MEI4: variants seen among roughly 807,000 people sequenced by gnomAD.
MEI4 encodes meiotic double-stranded break formation protein 4.
Under a neutral mutation model 31.4 loss-of-function variants are expected in MEI4, and 27 were observed. The ratio of observed to expected loss-of-function variants is 0.86; its 90% CI spans 0.63 to 1.19. The LOEUF is 1.19. MEI4 is among the 50% of genes most tolerant of loss of function. The pLI is 0.00. For missense variants in MEI4, 329 were observed against 398.9 expected, an observed-to-expected ratio of 0.82 and a Z score of 1.49; for synonymous variants, 122 against 145.4, an observed-to-expected ratio of 0.84 and a Z score of 1.16.
intron 3 of MEI4, among the ~76,000 whole-genome samples, chr6:77,824,957 A>G (rs542013488): frequency 7.2e-5 from 11 of 152,168 alleles, no homozygotes; most frequent in Admixed American, 2.6e-4. Flanking sequence ...CATATAACCA[A>G]TCTCTATCAC....
rs1769780137 is a variant in MEI4 at position 77,820,049 on chromosome 6, A to AT, written c.769-8875dup. Among the ~76,000 whole-genome samples the AT allele has an allele frequency of 6.6e-6, 1 of 151,492 alleles. No homozygotes were observed. Among genetic ancestry groups the AT allele is most frequent in the Non-Finnish European group, 1.5e-5 (1 of 67,894 alleles). On this transcript the variant is annotated intron_variant, in intron 3 of 4. Transcript: ENST00000684080. This position sits in a 1 kb window ranked among gnomAD's most constrained non-coding sequence, Gnocchi z 4.5. ...TAAGCTTTCTGAGGACCTAAATCTT[A>AT]TTTTTTTCTGAATGGTTTTCCTTCT...
intron 2 of MEI4, among the ~76,000 whole-genome samples, chr6:77,735,239 G>A (rs1767152977): frequency 6.6e-6 from 1 of 151,914 alleles, no homozygotes; most frequent in Non-Finnish European, 1.5e-5. Flanking sequence ...TTTCCAACTT[G>A]GCTCCATTCT....
At chr6:77,856,974 G>C (rs566892068) in intron 4 of MEI4, among the ~76,000 whole-genome samples, 8 of 152,218 alleles carry the variant, frequency 5.3e-5, no homozygotes, top group African/African-American at 1.9e-4. Flanking sequence ...CCACAATTTT[G>C]ATTTGATTGG....
chr6:77,656,886 A>T (rs1313975898), intron 1 of MEI4, among the ~76,000 whole-genome samples: 1 of 152,230 alleles, frequency 6.6e-6, no homozygotes, highest in Non-Finnish European at 1.5e-5. Flanking sequence ...AATAGATTTT[A>T]AAAATTACAA....
At chr6:77,679,490 T>C (rs137907780) in intron 1 of MEI4, among the ~76,000 whole-genome samples, 1,411 of 11,656 alleles carry the variant, frequency 0.12, 19 homozygotes, top group African/African-American at 0.32. Flanking sequence ...TTTGTGTAAG[T>C]GCACTCTATG....
intron 3 of MEI4, among the ~76,000 whole-genome samples, chr6:77,776,874 T>A (rs1353505654): frequency 1.3e-5 from 2 of 152,188 alleles, no homozygotes; most frequent in East Asian, 1.9e-4. Flanking sequence ...TGTTTTAGAT[T>A]TTAAAACTTT....
At chr6:77,736,750 T>G (rs1415804046) in intron 2 of MEI4, among the ~76,000 whole-genome samples, 2 of 152,012 alleles carry the variant, frequency 1.3e-5, no homozygotes, top group Non-Finnish European at 2.9e-5. Context: ...CACAGTCTAG[T>G]GAGGGTAAGA....
At chr6:77,728,210 A>G (rs1766877972) in intron 2 of MEI4, among the ~76,000 whole-genome samples, 1 of 152,224 alleles carries the variant, frequency 6.6e-6, no homozygotes, top group African/African-American at 2.4e-5. Flanking sequence ...ACAATAATGA[A>G]GATGTTCTAA....
At chr6:77,842,763 T>C (rs967396923) in intron 4 of MEI4, among the ~76,000 whole-genome samples, 3 of 151,952 alleles carry the variant, frequency 2.0e-5, no homozygotes, top group Non-Finnish European at 4.4e-5. Flanking sequence ...TCATTGCAGG[T>C]GTTAAGAGGA....
chr6:77,726,564 T>C (rs1370416194), intron 2 of MEI4, among the ~76,000 whole-genome samples: 2 of 152,156 alleles, frequency 1.3e-5, no homozygotes, highest in Non-Finnish European at 2.9e-5. Flanking sequence ...GGATTTAGTA[T>C]GTCCAGGGCA....
At chr6:77,688,566 CAAT>C (rs990350849) in intron 1 of MEI4, among the ~76,000 whole-genome samples, 1 of 152,076 alleles carries the variant, frequency 6.6e-6, no homozygotes, top group Non-Finnish European at 1.5e-5. Context: ...CAGGTTGCTT[CAAT>C]CAATTAATTA....
chr6:77,784,000 G>A (rs946468465), intron 3 of MEI4, among the ~76,000 whole-genome samples: 7 of 152,028 alleles, frequency 4.6e-5, no homozygotes, highest in African/African-American at 1.4e-4. Flanking sequence ...AAGTTAAACC[G>A]CTACAGAGAA....
chr6:77,794,757 A>C (rs1234771349), intron 3 of MEI4, among the ~76,000 whole-genome samples: 2 of 152,204 alleles, frequency 1.3e-5, no homozygotes. Context: ...TGGCCCAAAC[A>C]GACATATTTC....
intron 3 of MEI4, among the ~76,000 whole-genome samples, chr6:77,782,008 C>T (rs1013725966): frequency 6.6e-6 from 1 of 152,010 alleles, no homozygotes; most frequent in African/African-American, 2.4e-5. Flanking sequence ...TCTGCACTCT[C>T]AATAGAAATC....
chr6:77,777,948 G>A (rs999154388), intron 3 of MEI4, among the ~76,000 whole-genome samples: 4 of 151,816 alleles, frequency 2.6e-5, no homozygotes, highest in Non-Finnish European at 2.9e-5. Context: ...TGGAAGGTTT[G>A]GTACATAAAA....
chr6:77,656,002 T>G (rs1422875646), intron 1 of MEI4, among the ~76,000 whole-genome samples: 1 of 152,192 alleles, frequency 6.6e-6, no homozygotes, highest in African/African-American at 2.4e-5. Flanking sequence ...TCCAATTTAC[T>G]TTTTAACAGG....
intron 2 of MEI4, among the ~76,000 whole-genome samples, chr6:77,733,653 T>G (rs1767084568): frequency 6.6e-6 from 1 of 152,102 alleles, no homozygotes; most frequent in East Asian, 1.9e-4. Flanking sequence ...TTTTAGTTAT[T>G]TCTTGCCTTC....
At chr6:77,804,665 A>G (rs1487030335) in intron 3 of MEI4, among the ~76,000 whole-genome samples, 4 of 152,148 alleles carry the variant, frequency 2.6e-5, no homozygotes, top group African/African-American at 9.7e-5. Flanking sequence ...CTGTTCTAGA[A>G]TCATTTGACC....
intron 2 of MEI4, among the ~76,000 whole-genome samples, chr6:77,693,456 A>G (rs1769197405): frequency 6.6e-6 from 1 of 152,050 alleles, no homozygotes; most frequent in African/African-American, 2.4e-5. Flanking sequence ...TGTGCCTAAT[A>G]GGAGGAACCT....
Sources: gnomAD v4.1 joint callset for allele counts (sites outside exome capture counted in the v4.1 genomes callset) on GRCh38, gnomAD v4.1.1 for gene constraint, Gnocchi (gnomAD v3.1) non-coding constraint, MANE v1.5 for transcripts, NCBI Gene and HGNC (gene_info 2026-07-23, HGNC 2026-07-21) for gene names.